DMBT1: variants seen among roughly 807,000 people sequenced by gnomAD.
DMBT1 encodes the protein scavenger receptor cysteine-rich domain-containing protein DMBT1.
Under a neutral mutation model 252.9 loss-of-function variants are expected in DMBT1, and 198 were observed. That is an observed-to-expected ratio of 0.78 (90% confidence interval 0.70 to 0.88). The LOEUF (loss-of-function observed/expected upper bound fraction) is 0.88, where lower values mean the gene tolerates loss of function less well. Ranked by LOEUF, DMBT1 falls within the 40% of genes least tolerant of loss-of-function variation. The pLI, the probability that DMBT1 is intolerant of heterozygous loss-of-function variation, is 0.00. For missense variants in DMBT1, 2,432 were observed against 2,404.7 expected (o/e 1.01, Z -0.24); for synonymous variants, 990 against 942.7 (o/e 1.05, Z -0.92).
Position 122,636,795 on chromosome 10 carries a change from A to T in DMBT1, c.6758-333A>T, listed in dbSNP as rs556232008. ...CATGGCTAAAAGACCTTGTTTCATG[A>T]CATTCCCACAATTTGATCATACAGT... On this transcript the variant is annotated intron_variant, in intron 53 of 55. Coordinates refer to ENST00000338354, the MANE Select transcript of DMBT1 (RefSeq NM_001377530.1). Among the ~76,000 whole-genome samples the T allele has an allele frequency of 2.6e-5, 4 of 152,368 alleles. No homozygotes were observed. The East Asian group carries it at 7.7e-4, about 29-fold the overall frequency.
intron 51 of DMBT1, 105 bp from the exon 52 acceptor site, chr10:122,633,086 A>G (rs1448021897): frequency 1.0e-5 from 15 of 1,503,438 alleles, no homozygotes; most frequent in Admixed American, 2.1e-5. Context: ...TGTCTTGGGA[A>G]TTATTTTATA....
chr10:122,580,007 T>C, intron 10 of DMBT1, 106 bp downstream of exon 10: 2 of 1,562,218 alleles, frequency 1.3e-6, no homozygotes, highest in Non-Finnish European at 1.7e-6. Flanking sequence ...ATGTTTTCTA[T>C]GTTTCTGAAG....
At chr10:122,635,700 CT>C (rs1204837608) in intron 52 of DMBT1, among the ~76,000 whole-genome samples, 2 of 152,110 alleles carry the variant, frequency 1.3e-5, no homozygotes, top group African/African-American at 4.8e-5. Flanking sequence ...ACCCTACAGG[CT>C]TGTGCCACCA....
chr10:122,566,963 C>T (rs2097599395), intron 2 of DMBT1, among the ~76,000 whole-genome samples: 3 of 152,242 alleles, frequency 2.0e-5, no homozygotes, highest in African/African-American at 7.2e-5. Context: ...GGTGCCTCCT[C>T]TTACCCCTGC....
Position 122,589,161 on chromosome 10 carries a change from T to A in DMBT1, c.2001T>A (p.Asp667Glu), listed in dbSNP as rs756134511. ...AGGGCTCAGGACCCATTGTCCTGGA[T>A]GATGTGCGCTGCTCAGGACATGAGT... ...FGQGSGPIVL[D>E]DVRCSGHESY... Residue 667 changes from aspartate to glutamate, a missense_variant, in exon 17 of 56, where the codon GAT (aspartate) becomes GAA (glutamate). This residue lies in a region of DMBT1 where 1,264 missense variants were observed against 1,082.2 expected (regional missense o/e 1.17). Coordinates refer to ENST00000338354, the MANE Select transcript of DMBT1 (RefSeq NM_001377530.1). 6.3e-7 allele frequency: 1 copy of A among 1,588,372 alleles called. No individual in the cohort carries two copies. The highest frequency in any genetic ancestry group is 1.2e-5 in the South Asian group (1 of 86,920).
chr10:122,628,860 C>A (rs995389069), intron 46 of DMBT1, among the ~76,000 whole-genome samples: 1 of 151,952 alleles, frequency 6.6e-6, no homozygotes. Flanking sequence ...CTAATGAGTA[C>A]AGGGTTTCTT....
chr10:122,637,757 G>A (rs189207448), intron 54 of DMBT1, among the ~76,000 whole-genome samples: 6 of 152,318 alleles, frequency 3.9e-5, no homozygotes, highest in African/African-American at 1.4e-4. Context: ...CACATTGCTA[G>A]GCCTTGGAGG....
chr10:122,593,235 A>G (rs1169055641), intron 20 of DMBT1, among the ~76,000 whole-genome samples: 1 of 148,710 alleles, frequency 6.7e-6, no homozygotes, highest in Non-Finnish European at 1.5e-5. Context: ...CGGGGCTTGA[A>G]GATCACACAA....
At chr10:122,623,916 A>G (rs142345585) in intron 44 of DMBT1, among the ~76,000 whole-genome samples, 1 of 152,348 alleles carries the variant, frequency 6.6e-6, no homozygotes, top group East Asian at 1.9e-4. Context: ...ACTGCTAGGT[A>G]TGCACAACTA....
intron 42 of DMBT1, 61 bp downstream of exon 42, chr10:122,619,398 C>T (rs2098039039): frequency 9.3e-6 from 15 of 1,604,730 alleles, no homozygotes; most frequent in Non-Finnish European, 1.3e-5. Context: ...TACCTCTTCC[C>T]CACTCCACAG....
At position 122,586,855 on chromosome 10, in the gene DMBT1, C is replaced by T. The variant is rs770139925; in HGVS notation, c.1783+472C>T. ...GCTGGCCTGGGCAGAGGTCACATGGCGAGGGATGAAGCAAGATGGCAGAAG... is the reference window on the plus strand; with the variant it reads ...GCTGGCCTGGGCAGAGGTCACATGGTGAGGGATGAAGCAAGATGGCAGAAG... On this transcript the variant is annotated intron_variant, in intron 16 of 55. Transcript: ENST00000338354. Among the ~76,000 whole-genome samples the T allele has an allele frequency of 6.8e-5, 10 of 147,800 alleles. 1 individual carries two copies. The highest frequency in any genetic ancestry group is 9.0e-5 in the Non-Finnish European group (6 of 66,538).
Position 122,565,970 on chromosome 10 carries a change from G to A in DMBT1, c.65G>A (p.Gly22Glu). ...LLWGQVLSTG[G>E]WIPRTTDYAS... is the part of the protein sequence containing the mutation. ...GACGAATTTGTGTTCTTTCCAGGTG[G>A]GTGGATCCCAAGGACTACAGACTAC... Residue 22 changes from glycine to glutamate, a missense_variant, in exon 2 of 56, where the codon GGG becomes GAG. Physicochemically the swap from Gly to Glu is moderately conservative, Grantham distance 98. Transcript: ENST00000338354. The A allele has an allele frequency of 6.2e-7, 1 of 1,613,916 alleles. No individual in the cohort carries two copies. The highest frequency in any genetic ancestry group is 8.5e-7 in the Non-Finnish European group (1 of 1,179,852).
In DMBT1 at chr10:122,639,498, G is replaced by A. The variant is rs562181351; in HGVS notation, c.6943-542G>A. 2.0e-5 allele frequency among the ~76,000 whole-genome samples: 3 copies of A among 152,256 alleles called. No homozygotes were observed. In the South Asian group the frequency reaches 6.2e-4, roughly 32 times the overall value. On this transcript the variant is annotated intron_variant, in intron 54 of 55. Coordinates refer to ENST00000338354, the MANE Select transcript of DMBT1 (RefSeq NM_001377530.1). ...AGGGGGTTGTTCTCTGGCGGGCAGG[G>A]GCGGGGGTCACAAGGTGCTCAGTGG... is the stretch of plus-strand genomic sequence containing the variant.
intron 49 of DMBT1, among the ~76,000 whole-genome samples, chr10:122,631,519 C>T (rs2098165055): frequency 6.6e-6 from 1 of 152,204 alleles, no homozygotes; most frequent in Admixed American, 6.5e-5. Context: ...GATTTTACTT[C>T]TTTATGCTTC....
intron 26 of DMBT1, among the ~76,000 whole-genome samples, chr10:122,599,653 C>T (rs1166056687): frequency 6.6e-6 from 1 of 152,212 alleles, no homozygotes; most frequent in Admixed American, 6.5e-5. Context: ...GCCTGTGCCC[C>T]AGGTCTGGTG....
chr10:122,588,977 A>T lies in DMBT1; in HGVS notation c.1817A>T (p.Asn606Ile). 2 of 1,588,322 alleles carry T rather than the reference A, an allele frequency of 1.3e-6. No homozygotes were observed. Among genetic ancestry groups the T allele is most frequent in the Non-Finnish European group, 8.6e-7 (1 of 1,165,816 alleles). Residue 606 changes from asparagine to isoleucine, a missense_variant, in exon 17 of 56, where the codon AAT becomes ATT. Asn to Ile is a moderately radical substitution (Grantham distance 149). Coordinates refer to ENST00000338354, the MANE Select transcript of DMBT1 (RefSeq NM_001377530.1). ...PESSLALRLV[N>I]GGDRCQGRVE... ...TCCAGTTTGGCCCTGAGGCTGGTGA[A>T]TGGAGGTGACAGGTGTCAGGGCCGA...
At chr10:122,620,327 C>G (rs2098052294) in intron 43 of DMBT1, 36 bp downstream of exon 43, 7 of 1,609,334 alleles carry the variant, frequency 4.3e-6, no homozygotes, top group Admixed American at 3.3e-5. Context: ...AGGGCTCACT[C>G]TCTACCTCTG....
chr10:122,631,950 G>T, intron 50 of DMBT1, 75 bp downstream of exon 50: 2 of 1,515,626 alleles, frequency 1.3e-6, no homozygotes, highest in South Asian at 1.1e-5. Context: ...ACTGTGCAGG[G>T]CATGTTGCTC....
At chr10:122,622,127 C>T (rs1405967052) in intron 44 of DMBT1, among the ~76,000 whole-genome samples, 1 of 152,188 alleles carries the variant, frequency 6.6e-6, no homozygotes, top group African/African-American at 2.4e-5. Flanking sequence ...CATCCAGACA[C>T]AGAGTTAATT....
Sources: allele counts gnomAD v4.1 joint callset (sites outside exome capture counted in the v4.1 genomes callset), GRCh38; gene constraint gnomAD v4.1.1; regional missense constraint gnomAD v4.1.1; transcripts MANE v1.5; gene names NCBI Gene and HGNC (gene_info 2026-07-23, HGNC 2026-07-21).